Variants in VWF observed in about 807,000 individuals in gnomAD.
VWF encodes the protein Factor VIII related antigen.
VWF carries 176 observed loss-of-function variants against 308.6 expected under a neutral mutation model. The ratio of observed to expected loss-of-function variants is 0.57; its 90% CI spans 0.50 to 0.65. VWF has a LOEUF of 0.65. Among genes scored for constraint, VWF ranks in the 30% least tolerant of loss-of-function variants. The pLI, the probability that VWF is intolerant of heterozygous loss-of-function variation, is 0.00. For missense variants in VWF, 3,146 were observed against 3,648.2 expected (o/e 0.86, Z 3.55); for synonymous variants, 1,385 against 1,443.4 (o/e 0.96, Z 0.92).
chr12:5,998,496 A>AC (rs1943835737), intron 34 of VWF, among the ~76,000 whole-genome samples: 1 of 34,412 alleles, frequency 2.9e-5, no homozygotes, highest in Admixed American at 5.0e-4. Context: ...AAAAAAAAAA[A>AC]AAATATATAT....
chr12:5,982,758 G>T (rs216869), intron 41 of VWF, among the ~76,000 whole-genome samples: 1 of 152,124 alleles, frequency 6.6e-6, no homozygotes, highest in Non-Finnish European at 1.5e-5. Context: ...CTTCAGAGGC[G>T]AAAAACTATA....
chr12:6,107,963 A>T (rs1184264163), intron 5 of VWF, among the ~76,000 whole-genome samples: 1 of 151,948 alleles, frequency 6.6e-6, no homozygotes, highest in East Asian at 1.9e-4. Context: ...CAGCCGAAAG[A>T]TTCAGTATTT....
At chr12:6,022,570 A>G (rs1338088494) in intron 26 of VWF, among the ~76,000 whole-genome samples, 170 bp downstream of exon 26, 1 of 136,004 alleles carries the variant, frequency 7.4e-6, no homozygotes, top group Non-Finnish European at 1.5e-5. Context: ...CTTGAGAAAA[A>G]TCACGACTGT....
chr12:5,954,283 T>G (rs1183801404), intron 47 of VWF, among the ~76,000 whole-genome samples: 1 of 152,218 alleles, frequency 6.6e-6, no homozygotes, highest in Non-Finnish European at 1.5e-5. Context: ...TTAGAAACTT[T>G]TGATGAGGTT....
intron 20 of VWF, among the ~76,000 whole-genome samples, chr12:6,033,947 G>A (rs770336039): frequency 4.6e-5 from 7 of 152,242 alleles, no homozygotes; most frequent in Non-Finnish European, 7.3e-5. Flanking sequence ...CAGCTCTGGT[G>A]AGAAAAGCAC....
In VWF at chr12:6,036,422, G is replaced by A. The variant is rs1185130206; in HGVS notation, c.2512C>T (p.Pro838Ser). 2 of 1,614,206 alleles carry A rather than the reference G, an allele frequency of 1.2e-6. No individual in the cohort carries two copies. The highest frequency in any genetic ancestry group is 1.3e-5 in the African/African-American group (1 of 75,054). ...CAGCCAATCTTCACTGTTTCTCCAG[G>A]GGCATACTCCTTGCCCTGATGGAAG... ...PCFHQGKEYA[P>S]GETVKIGCNT... The change falls in exon 19 of 52, where the codon CCT becomes TCT. Residue 838 changes from proline to serine, a missense_variant. By Grantham distance (74) the Pro-to-Ser change is moderately conservative. Transcript: ENST00000261405.
In VWF at chr12:5,949,096, G is replaced by A. The variant is rs761486703; in HGVS notation, c.8361C>T (p.His2787=). The change falls in exon 52 of 52, where the codon CAC becomes CAT. Residue 2787 remains histidine, a synonymous_variant. Coordinates refer to ENST00000261405, the MANE Select transcript of VWF (RefSeq NM_000552.5). The part of the protein sequence containing the change: ...TRTEPMQVAL[H]CTNGSVVYHE... ...GGTACACAACAGAGCCATTGGTGCA[G>A]TGCAGGGCCACCTGCATGGGCTCCG... The A allele has an allele frequency of 5.0e-6, 8 of 1,614,256 alleles. No homozygotes were observed. The South Asian group carries it at 8.8e-5, about 18-fold the overall frequency.
At chr12:6,040,930 G>A (rs1166489713) in intron 18 of VWF, among the ~76,000 whole-genome samples, 1 of 152,226 alleles carries the variant, frequency 6.6e-6, no homozygotes, top group Non-Finnish European at 1.5e-5. Context: ...CTTAGAGGAG[G>A]AGAGACAATC....
intron 7 of VWF, among the ~76,000 whole-genome samples, chr12:6,074,553 C>T (rs1327820329): frequency 1.3e-5 from 2 of 151,706 alleles, no homozygotes; most frequent in Non-Finnish European, 2.9e-5. Flanking sequence ...TGCTAGCATC[C>T]TCCTTCCTCA....
At chr12:6,029,621 C>G in intron 21 of VWF, 133 bp from the exon 22 acceptor site, 3 of 1,193,432 alleles carry the variant, frequency 2.5e-6, no homozygotes, top group Non-Finnish European at 3.6e-6. Flanking sequence ...TCCAGGACCC[C>G]ACCTGCCACT....
At chr12:5,971,499 G>T in intron 44 of VWF, 100 bp downstream of exon 44, 1 of 976,172 alleles carries the variant, frequency 1.0e-6, no homozygotes, top group Non-Finnish European at 1.6e-6. Context: ...TGCCCAGTGG[G>T]GAAAGCAAAG....
In VWF at chr12:5,969,284, C is replaced by T. The variant is rs768335080; in HGVS notation, c.7656G>A (p.Leu2552=). The change falls in exon 45 of 52, where the codon CTG becomes CTA. Residue 2552 remains leucine, a synonymous_variant. Transcript: ENST00000261405. ...AGCCCGAGGGGCAGACAGGGACCTC[C>T]AGCTGGGGGCAGGAGACGTTCCTTT... ...IQQRNVSCPQ[L]EVPVCPSGFQ... The T allele has an allele frequency of 3.1e-6, 5 of 1,614,172 alleles. No homozygotes were observed. The highest frequency in any genetic ancestry group is 4.2e-6 in the Non-Finnish European group (5 of 1,180,040).
intron 48 of VWF, among the ~76,000 whole-genome samples, chr12:5,952,902 C>T (rs1302281966): frequency 6.6e-6 from 1 of 152,222 alleles, no homozygotes; most frequent in Non-Finnish European, 1.5e-5. Context: ...TCCAGTCTTA[C>T]AGACGCCCAA....
At chr12:6,050,406 C>T (rs1361988780) in intron 16 of VWF, among the ~76,000 whole-genome samples, 9 of 152,212 alleles carry the variant, frequency 5.9e-5, no homozygotes. Flanking sequence ...CATCATACCT[C>T]ATGCAGCTCC....
chr12:6,000,041 G>T (rs1188648634), intron 34 of VWF, among the ~76,000 whole-genome samples: 1 of 151,912 alleles, frequency 6.6e-6, no homozygotes, highest in East Asian at 1.9e-4. Context: ...TAATGAAAAT[G>T]TAAGACAGGA....
rs1944613076 is a variant in VWF at position 6,058,260 on chromosome 12, T to C, written c.1534-216A>G. ...TACCAGCTCCATCCCTGTTCCCAAA[T>C]CATCAGAGCCCTGTACTGCCACAAG... On this transcript the variant is annotated intron_variant, in intron 13 of 51. Coordinates refer to ENST00000261405, the MANE Select transcript of VWF (RefSeq NM_000552.5). The surrounding 1 kb of genome is among the most constrained non-coding windows in gnomAD (Gnocchi z 4.9). Among the ~76,000 whole-genome samples the C allele has an allele frequency of 6.6e-6, 1 of 152,072 alleles. No individual in the cohort carries two copies.
intron 10 of VWF, among the ~76,000 whole-genome samples, chr12:6,068,308 C>T (rs1944741625): frequency 6.6e-6 from 1 of 152,164 alleles, no homozygotes; most frequent in African/African-American, 2.4e-5. Context: ...GGCTGCCCTG[C>T]TCCAGACCAT....
In VWF at chr12:6,019,324, A is replaced by C; in HGVS notation, c.4094T>G (p.Leu1365Arg). Reference sequence around the variant, plus strand: ...GTCGATCTTGCTGAAGATTTGGAACAGTGTGTATTTCAAGACCTCGCTGGT... The same window carrying C: ...GTCGATCTTGCTGAAGATTTGGAACCGTGTGTATTTCAAGACCTCGCTGGT... ...ASTSEVLKYT[L>R]FQIFSKIDRP... Residue 1365 changes from leucine to arginine, a missense_variant, in exon 28 of 52, where the codon CTG becomes CGG. Transcript: ENST00000261405. The surrounding 1 kb of genome is among the most constrained non-coding windows in gnomAD (Gnocchi z 5.8). 6.2e-7 allele frequency: 1 copy of C among 1,613,920 alleles called. No individual in the cohort carries two copies. The highest frequency in any genetic ancestry group is 8.5e-7 in the Non-Finnish European group (1 of 1,179,866).
chr12:6,076,646 A>G (rs1043185941), intron 6 of VWF, among the ~76,000 whole-genome samples: 3 of 152,092 alleles, frequency 2.0e-5, no homozygotes, highest in African/African-American at 7.2e-5. Flanking sequence ...GAATATCTCA[A>G]TGGAAGGACT....
Sources: gnomAD v4.1 joint callset for allele counts (sites outside exome capture counted in the v4.1 genomes callset) on GRCh38, gnomAD v4.1.1 for gene constraint, Gnocchi (gnomAD v3.1) non-coding constraint, MANE v1.5 for transcripts, NCBI Gene and HGNC (gene_info 2026-07-23, HGNC 2026-07-21) for gene names.